VPS54: variants seen among roughly 807,000 people sequenced by gnomAD.
VPS54 encodes the protein VPS54 subunit of GARP complex, also known as vacuolar protein sorting-associated protein 54.
VPS54 carries 45 observed loss-of-function variants against 121.5 expected under a neutral mutation model. The ratio of observed to expected loss-of-function variants is 0.37; its 90% CI spans 0.29 to 0.47. The LOEUF is 0.47. Among genes scored for constraint, VPS54 ranks in the 20% least tolerant of loss-of-function variants. The pLI is 0.99. For synonymous variants in VPS54, 371 were observed against 385.8 expected (o/e 0.96, Z 0.45); for missense variants, 1,090 against 1,131.4 (o/e 0.96, Z 0.52).
intron 7 of VPS54, among the ~76,000 whole-genome samples, chr2:63,959,221 T>A (rs753037008): frequency 6.6e-6 from 1 of 152,292 alleles, no homozygotes; most frequent in Non-Finnish European, 1.5e-5. Context: ...GTCAAGAAAG[T>A]AAATCATCAT....
In VPS54 at chr2:63,920,457, T is replaced by G; in HGVS notation, c.2040A>C (p.Lys680Asn). ...KFVNRFHEERKTKLSLLLDNE... is the reference protein window; with the variant it reads ...KFVNRFHEERNTKLSLLLDNE... ...CATGGTGATGATACCTGAGCTTGGT[T>G]TTTCTCTCTTCATGAAACCTATTTA... Residue 680 changes from lysine (K) to asparagine (N), a missense_variant, in exon 14 of 23, where the codon AAA becomes AAC. Around this residue, in one of 2 missense-constraint regions of VPS54, gnomAD observed 289 missense variants for 374.4 expected, o/e 0.77. Coordinates refer to ENST00000272322, the MANE Select transcript of VPS54 (RefSeq NM_016516.3). 1 of 1,536,536 alleles carries G rather than the reference T, an allele frequency of 6.5e-7. No homozygotes were observed. The highest frequency in any genetic ancestry group is 8.7e-7 in the Non-Finnish European group (1 of 1,145,382).
At chr2:63,951,684 T>C (rs1332106983) in intron 7 of VPS54, among the ~76,000 whole-genome samples, 1 of 152,192 alleles carries the variant, frequency 6.6e-6, no homozygotes, top group Non-Finnish European at 1.5e-5. Flanking sequence ...TGGTAGTAAA[T>C]GATAAAATAG....
intron 22 of VPS54, 56 bp from the exon 23 acceptor site, chr2:63,893,591 T>TA: frequency 6.7e-7 from 1 of 1,486,704 alleles, no homozygotes; most frequent in Non-Finnish European, 9.3e-7. Flanking sequence ...TTCAGATAAT[T>TA]AAAGTAACAG....
intron 1 of VPS54, among the ~76,000 whole-genome samples, chr2:63,989,883 G>A (rs1434430318): frequency 3.3e-5 from 5 of 152,246 alleles, no homozygotes; most frequent in Non-Finnish European, 5.9e-5. Context: ...AAACAGGGAA[G>A]GGTCCGAGTA....
chr2:63,990,458 CCTCA>C (rs1376134912), intron 1 of VPS54, among the ~76,000 whole-genome samples: 1 of 151,894 alleles, frequency 6.6e-6, no homozygotes, highest in Non-Finnish European at 1.5e-5. Context: ...CACTTCAGCC[CCTCA>C]CTCTCCTGTC....
chr2:63,953,319 G>T (rs1675343461), intron 7 of VPS54, among the ~76,000 whole-genome samples: 2 of 151,772 alleles, frequency 1.3e-5, no homozygotes, highest in Admixed American at 6.6e-5. Context: ...TTTAGTAAAA[G>T]ACAGGGTTTC....
intron 12 of VPS54, among the ~76,000 whole-genome samples, chr2:63,930,298 C>G (rs943965823): frequency 1.3e-5 from 2 of 152,048 alleles, no homozygotes; most frequent in South Asian, 4.2e-4. Context: ...AGCAGCACAT[C>G]GAAAAGCTTA....
At chr2:64,015,359 C>T (rs1678632193) in intron 1 of VPS54, among the ~76,000 whole-genome samples, 1 of 152,100 alleles carries the variant, frequency 6.6e-6, no homozygotes, top group Non-Finnish European at 1.5e-5. Context: ...AATTCCTCCT[C>T]TTGCAAAGAA....
chr2:63,911,541 T>G (rs894795371), intron 20 of VPS54, among the ~76,000 whole-genome samples: 1 of 152,222 alleles, frequency 6.6e-6, no homozygotes, highest in Non-Finnish European at 1.5e-5. Context: ...GATTTTTAGA[T>G]GACTTGTGAT....
intron 20 of VPS54, among the ~76,000 whole-genome samples, chr2:63,904,556 T>G (rs1197494645): frequency 2.7e-5 from 4 of 150,772 alleles, no homozygotes; most frequent in Non-Finnish European, 5.9e-5. Context: ...TAACAAAAAC[T>G]TGCAAAGATC....
intron 11 of VPS54, among the ~76,000 whole-genome samples, chr2:63,935,127 A>G (rs1454821405): frequency 6.6e-6 from 1 of 152,156 alleles, no homozygotes; most frequent in Non-Finnish European, 1.5e-5. Flanking sequence ...CAAAGAAATA[A>G]AGCCAAAGCT....
chr2:63,934,008 T>C lies in VPS54; in HGVS notation c.1404A>G (p.Thr468=), dbSNP rs1674340049. ...FTIFLQRVKA[T]LNIIHSVVLS... is the part of the protein sequence containing the mutation. ...GAACAACACTGTGAATGATATTTAA[T>C]GTTGCCTACAAGAAAATAGGACACA... Residue 468 remains threonine, a synonymous_variant, in exon 12 of 23, where the codon ACA becomes ACG. Transcript: ENST00000272322. 3.7e-6 allele frequency: 6 copies of C among 1,609,806 alleles called. No individual in the cohort carries two copies. The highest frequency in any genetic ancestry group is 1.7e-4 in the Middle Eastern group (1 of 5,912).
chr2:63,932,912 G>A (rs1055976149), intron 12 of VPS54, among the ~76,000 whole-genome samples: 2 of 152,132 alleles, frequency 1.3e-5, no homozygotes, highest in African/African-American at 4.8e-5. Context: ...GTATACTAAG[G>A]TTATATAGGA....
chr2:64,016,733 C>G (rs2104718035), intron 1 of VPS54, among the ~76,000 whole-genome samples: 1 of 151,856 alleles, frequency 6.6e-6, no homozygotes, highest in South Asian at 2.1e-4. Context: ...CTCAGCCTCC[C>G]CAGTAGCTGG....
At chr2:63,897,653 CA>C in intron 21 of VPS54, 63 bp from the exon 22 acceptor site, 1 of 987,754 alleles carries the variant, frequency 1.0e-6, no homozygotes, top group Non-Finnish European at 1.5e-6. Context: ...TCTGAGTTAT[CA>C]ATATTATTTA....
chr2:63,931,486 C>G (rs964886686), intron 12 of VPS54, among the ~76,000 whole-genome samples: 1 of 152,124 alleles, frequency 6.6e-6, no homozygotes, highest in Non-Finnish European at 1.5e-5. Flanking sequence ...CTTCCTTACA[C>G]CATATACAAA....
intron 7 of VPS54, among the ~76,000 whole-genome samples, chr2:63,958,782 TAA>T (rs1675616990): frequency 6.6e-6 from 1 of 152,166 alleles, no homozygotes; most frequent in Non-Finnish European, 1.5e-5. Flanking sequence ...AAACTTGGAC[TAA>T]GATTCATAAA....
intron 3 of VPS54, chr2:63,975,581 G>C (rs969510764): frequency 6.6e-6 from 1 of 152,440 alleles, no homozygotes; most frequent in Admixed American, 6.5e-5. Context: ...ATTTGATCTT[G>C]TTGGCCCCAC....
chr2:63,899,641 C>A (rs78227932), intron 20 of VPS54, 60 bp from the exon 21 acceptor site: 274,235 of 1,357,414 alleles, frequency 0.2, 29,839 homozygotes, highest in Middle Eastern at 0.26. Flanking sequence ...AATGTCTCCA[C>A]CATTCCCTGA....
Sources: gnomAD v4.1 joint callset for allele counts (sites outside exome capture counted in the v4.1 genomes callset) on GRCh38, gnomAD v4.1.1 for gene constraint, gnomAD v4.1.1 regional missense constraint, MANE v1.5 for transcripts, NCBI Gene and HGNC (gene_info 2026-07-23, HGNC 2026-07-21) for gene names.